PDE1A: variants seen among roughly 807,000 people sequenced by gnomAD.
PDE1A encodes phosphodiesterase 1A.
A neutral mutation model predicts 61.7 loss-of-function variants in PDE1A; 35 were observed. That is an observed-to-expected ratio of 0.57 (90% CI 0.43 to 0.75). The LOEUF (loss-of-function observed/expected upper bound fraction) is 0.75. PDE1A is among the 30% of genes least tolerant of loss of function. The probability of loss-of-function intolerance (pLI) is 0.00; values close to 1 mark genes in which losing one functional copy is unlikely to be tolerated. For missense variants in PDE1A, 597 were observed against 630.6 expected (o/e 0.95, Z 0.57); for synonymous variants, 232 against 213.2 (o/e 1.09, Z -0.77).
chr2:182,360,190 C>T (rs1488650943), intron 1 of PDE1A, among the ~76,000 whole-genome samples: 1 of 152,112 alleles, frequency 6.6e-6, no homozygotes, highest in East Asian at 1.9e-4. Context: ...TGAATTACTA[C>T]ATTTCCTAGT....
chr2:182,428,644 G>T (rs1237480263), upstream of PDE1A, among the ~76,000 whole-genome samples: 1 of 151,968 alleles, frequency 6.6e-6, no homozygotes, highest in Non-Finnish European at 1.5e-5. Context: ...ATATGCTTTG[G>T]CTTTCTTTGT....
intron 1 of PDE1A, among the ~76,000 whole-genome samples, chr2:182,394,584 T>A (rs577340364): frequency 2.0e-5 from 3 of 152,096 alleles, no homozygotes; most frequent in Non-Finnish European, 4.4e-5. Flanking sequence ...CTGACATTGA[T>A]TCCAGGGGAC....
intron 2 of PDE1A, among the ~76,000 whole-genome samples, chr2:182,510,642 A>T (rs1034785261): frequency 6.6e-6 from 1 of 152,214 alleles, no homozygotes; most frequent in African/African-American, 2.4e-5. Context: ...AGGCCTAAAG[A>T]ATAATTTTCA....
At chr2:182,700,721 C>CAAAAAAAAAAAAAAAA in the PDE1A span, among the ~76,000 whole-genome samples, 1,740 of 23,780 alleles carry the variant, frequency 0.073, 342 homozygotes, top group Non-Finnish European at 0.13. Flanking sequence ...GACTCCATCT[C>CAAAAAAAAAAAAAAAA]AAAAAAAAAA....
the PDE1A span, among the ~76,000 whole-genome samples, chr2:182,639,643 C>T: frequency 1.3e-5 from 2 of 151,700 alleles, no homozygotes; most frequent in African/African-American, 4.8e-5. Context: ...GTGAAAAATA[C>T]AGTAAGAGAT....
At chr2:182,373,006 G>T (rs536688045) in intron 1 of PDE1A, among the ~76,000 whole-genome samples, 2 of 152,380 alleles carry the variant, frequency 1.3e-5, no homozygotes. Flanking sequence ...CAAGCCCTGT[G>T]CACTGGGACC....
chr2:182,695,710 A>G, the PDE1A span, among the ~76,000 whole-genome samples: 13 of 151,888 alleles, frequency 8.6e-5, no homozygotes, highest in Admixed American at 4.6e-4. Flanking sequence ...AAAAGAAAAA[A>G]AAAGAAAAGA....
chr2:182,644,361 C>T, the PDE1A span, among the ~76,000 whole-genome samples: 1 of 148,756 alleles, frequency 6.7e-6, no homozygotes, highest in Admixed American at 6.7e-5. Flanking sequence ...TAGATCCAAA[C>T]CATGGAGTTT....
At chr2:182,236,475 G>A (rs1690025981) in intron 3 of PDE1A, among the ~76,000 whole-genome samples, 1 of 151,904 alleles carries the variant, frequency 6.6e-6, no homozygotes, top group African/African-American at 2.4e-5. Context: ...AATCATTCAG[G>A]ATTAAGAAAT....
chr2:182,645,107 T>G, the PDE1A span, among the ~76,000 whole-genome samples: 1 of 151,172 alleles, frequency 6.6e-6, no homozygotes, highest in Non-Finnish European at 1.5e-5. Context: ...TGCCTCAGCC[T>G]CCCGAGTAGC....
At chr2:182,387,685 A>T (rs1701193826) in intron 1 of PDE1A, among the ~76,000 whole-genome samples, 1 of 151,974 alleles carries the variant, frequency 6.6e-6, no homozygotes, top group Non-Finnish European at 1.5e-5. Context: ...TGAACCTGGG[A>T]GGTGGAGGTT....
chr2:182,592,921 G>A, the PDE1A span, among the ~76,000 whole-genome samples: 1 of 152,256 alleles, frequency 6.6e-6, no homozygotes, highest in African/African-American at 2.4e-5. Context: ...AGCATAAAAC[G>A]ACGAGGTGAC....
At chr2:182,408,263 A>G (rs1702416897) in intron 1 of PDE1A, among the ~76,000 whole-genome samples, 1 of 150,862 alleles carries the variant, frequency 6.6e-6, no homozygotes, top group South Asian at 2.1e-4. Context: ...AGCTATTTGG[A>G]AATGACATAC....
At chr2:182,539,783 T>C in the PDE1A span, among the ~76,000 whole-genome samples, 1 of 152,208 alleles carries the variant, frequency 6.6e-6, no homozygotes, top group Non-Finnish European at 1.5e-5. Flanking sequence ...ATGAAATGCA[T>C]TGTTAATAAA....
chr2:182,665,457 A>G, the PDE1A span, among the ~76,000 whole-genome samples: 1 of 152,202 alleles, frequency 6.6e-6, no homozygotes, highest in Non-Finnish European at 1.5e-5. Flanking sequence ...CAACAACCAT[A>G]TGAAAAAAAA....
At chr2:182,218,518 C>T (rs1261391751) in intron 7 of PDE1A, among the ~76,000 whole-genome samples, 1 of 152,066 alleles carries the variant, frequency 6.6e-6, no homozygotes, top group Non-Finnish European at 1.5e-5. Context: ...TTTATCCCAT[C>T]TAACTGAAAT....
intron 10 of PDE1A, among the ~76,000 whole-genome samples, chr2:182,195,324 G>T (rs989471133): frequency 6.6e-6 from 1 of 152,058 alleles, no homozygotes; most frequent in African/African-American, 2.4e-5. Flanking sequence ...CTATCACTTT[G>T]CTCCTCACAA....
chr2:182,528,862 T>A, the PDE1A span, among the ~76,000 whole-genome samples: 2 of 152,216 alleles, frequency 1.3e-5, no homozygotes, highest in Non-Finnish European at 2.9e-5. Flanking sequence ...GTGTTGAGCC[T>A]ACAAGTGCAC....
At chr2:182,215,524 C>A (rs1164184985) in intron 7 of PDE1A, among the ~76,000 whole-genome samples, 1 of 150,830 alleles carries the variant, frequency 6.6e-6, no homozygotes. Context: ...GCTAGCAAGA[C>A]TAATAAAGAA....
Sources: allele counts gnomAD v4.1 joint callset (sites outside exome capture counted in the v4.1 genomes callset), GRCh38; gene constraint gnomAD v4.1.1; transcripts MANE v1.5; gene names NCBI Gene and HGNC (gene_info 2026-07-23, HGNC 2026-07-21).